INSL6: variants seen among roughly 807,000 people sequenced by gnomAD.
INSL6 encodes insulin like 6.
A neutral mutation model predicts 9.4 loss-of-function variants in INSL6; 16 were observed. The observed-to-expected ratio is 1.70, with a 90% confidence interval of 1.15 to 2.59. INSL6 has a LOEUF of 2.59. Ranked by LOEUF, INSL6 falls within the 30% of genes most tolerant of loss-of-function variation. INSL6 has a pLI of 0.00. For synonymous variants in INSL6, 154 were observed against 96.9 expected, an observed-to-expected ratio of 1.59 and a Z score of -3.46; for missense variants, 391 against 257.3, an observed-to-expected ratio of 1.52 and a Z score of -3.56.
the INSL6 span, chr9:5,081,805 C>G: frequency 1.2e-6 from 2 of 1,612,610 alleles, no homozygotes. Context: ...CTTTGAAGAC[C>G]GGGATCCTAC....
the INSL6 span, among the ~76,000 whole-genome samples, chr9:5,118,369 G>A: frequency 3.3e-5 from 5 of 151,496 alleles, no homozygotes; most frequent in Admixed American, 1.3e-4. Context: ...TATTTTCTTT[G>A]TAACCAAGAT....
chr9:5,103,248 A>G, the INSL6 span, among the ~76,000 whole-genome samples: 6 of 146,294 alleles, frequency 4.1e-5, no homozygotes, highest in East Asian at 1.2e-3. Flanking sequence ...AAAAAAAAAA[A>G]AAAAAAAGCA....
At chr9:5,074,167 A>G in the INSL6 span, among the ~76,000 whole-genome samples, 1 of 152,174 alleles carries the variant, frequency 6.6e-6, no homozygotes, top group Non-Finnish European at 1.5e-5. Flanking sequence ...TTAATTTTTA[A>G]TGGAACTGAC....
intron 3 of INSL6, chr9:5,128,174 TCTTA>T (rs1390108925): frequency 1.2e-4 from 27 of 232,326 alleles, no homozygotes; most frequent in Admixed American, 7.9e-4. Context: ...GAAAATAGTT[TCTTA>T]CTTTATTTTT....
intron 1 of INSL6, among the ~76,000 whole-genome samples, chr9:5,182,321 GA>G (rs1825475665): frequency 2.0e-5 from 3 of 151,928 alleles, no homozygotes; most frequent in African/African-American, 7.3e-5. Flanking sequence ...GAACAGGAAA[GA>G]ATGCATAATT....
chr9:5,065,142 T>C, the INSL6 span: 1 of 692,988 alleles, frequency 1.4e-6, no homozygotes, highest in South Asian at 5.3e-5. Flanking sequence ...AAAAAATAAT[T>C]TGACAAGTTT....
rs763447972 is a variant in INSL6, at chr9:5,164,034, T to A, written c.521A>T (p.Tyr174Phe). 1.2e-6 allele frequency: 2 copies of A among 1,613,714 alleles called. No homozygotes were observed. The highest frequency in any genetic ancestry group is 3.3e-5 in the Admixed American group (2 of 60,022). ...GHHPQRKRRGYSEKCCLTGCT... is the reference protein window; with the variant it reads ...GHHPQRKRRGFSEKCCLTGCT... ...TCCTGTAAGACAACACTTTTCTGAA[T>A]ATCCTCTGCGTTTTCTTTGGGGATG... is the stretch of plus-strand genomic sequence containing the variant. The change falls in exon 2 of 2, where the codon TAT (tyrosine) becomes TTT (phenylalanine). Residue 174 changes from tyrosine to phenylalanine, a missense_variant. By Grantham distance (22) the Tyr-to-Phe change is conservative (BLOSUM62 3). Transcript: ENST00000381641.
chr9:5,159,959 G>C (rs1432651463), downstream of INSL6, among the ~76,000 whole-genome samples: 1 of 152,194 alleles, frequency 6.6e-6, no homozygotes, highest in African/African-American at 2.4e-5. Flanking sequence ...TGGATCACCT[G>C]AGGTCAGGAG....
the INSL6 span, chr9:5,110,402 G>C: frequency 6.6e-6 from 1 of 152,212 alleles, no homozygotes; most frequent in Non-Finnish European, 1.5e-5. Flanking sequence ...TGGGCCTTAC[G>C]ATAGTCACAA....
At chr9:5,126,976 T>C (rs1824042306) in intron 3 of INSL6, 2 of 357,060 alleles carry the variant, frequency 5.6e-6, no homozygotes, top group Non-Finnish European at 1.0e-5. Flanking sequence ...AGGCCACCAG[T>C]AAAAGACATT....
the INSL6 span, among the ~76,000 whole-genome samples, chr9:5,038,456 A>C: frequency 6.6e-6 from 1 of 152,156 alleles, no homozygotes; most frequent in South Asian, 2.1e-4. Flanking sequence ...AATTCAGACA[A>C]AGATGTCTAG....
the INSL6 span, among the ~76,000 whole-genome samples, chr9:5,020,982 A>T: frequency 1.3e-5 from 2 of 152,210 alleles, no homozygotes; most frequent in Non-Finnish European, 1.5e-5. Context: ...AAGCAATGTC[A>T]TTGTGCAGTC....
At chr9:4,997,712 G>C in the INSL6 span, among the ~76,000 whole-genome samples, 4 of 152,298 alleles carry the variant, frequency 2.6e-5, no homozygotes, top group South Asian at 8.3e-4. Context: ...TTTTATAAAG[G>C]TTTGATATGG....
intron 2 of INSL6, among the ~76,000 whole-genome samples, chr9:5,137,436 A>T (rs895352028): frequency 9.9e-5 from 15 of 152,202 alleles, no homozygotes; most frequent in African/African-American, 3.6e-4. Context: ...AGACTAATGG[A>T]ACAGAACAGA....
chr9:5,086,106 G>A, the INSL6 span: 149 of 488,658 alleles, frequency 3.0e-4, 1 homozygote, highest in South Asian at 2.8e-3. Flanking sequence ...ATGAGCCTGC[G>A]CGGGCATCGG....
chr9:5,009,875 G>A, the INSL6 span, among the ~76,000 whole-genome samples: 5 of 151,576 alleles, frequency 3.3e-5, no homozygotes, highest in South Asian at 2.1e-4. Flanking sequence ...AGCTTAAGCC[G>A]TCCTCCCATT....
At chr9:5,006,325 T>A in the INSL6 span, among the ~76,000 whole-genome samples, 1 of 152,206 alleles carries the variant, frequency 6.6e-6, no homozygotes, top group Non-Finnish European at 1.5e-5. Flanking sequence ...GCTTGTGATT[T>A]TTGTACATTG....
At chr9:5,116,910 A>G in the INSL6 span, among the ~76,000 whole-genome samples, 3 of 152,276 alleles carry the variant, frequency 2.0e-5, no homozygotes, top group East Asian at 1.9e-4. Context: ...CTGGGAAAAC[A>G]TAACAGTACA....
downstream of INSL6, among the ~76,000 whole-genome samples, chr9:5,119,704 G>A (rs888779893): frequency 4.6e-5 from 7 of 152,142 alleles, no homozygotes; most frequent in Admixed American, 4.6e-4. Flanking sequence ...GGTATGAAGT[G>A]AATTCTGACT....
Sources: allele counts gnomAD v4.1 joint callset (sites outside exome capture counted in the v4.1 genomes callset), GRCh38; gene constraint gnomAD v4.1.1; transcripts MANE v1.5; gene names NCBI Gene and HGNC (gene_info 2026-07-23, HGNC 2026-07-21).